The following ZNF320 variants were observed in gnomAD, a reference collection of about 807,000 sequenced individuals.
ZNF320 encodes the protein zinc finger protein 320.
In ZNF320, 2 loss-of-function variants were observed where a neutral mutation model predicts 6.8. The observed-to-expected ratio is 0.29, with a 90% CI of 0.12 to 0.93. The LOEUF (loss-of-function observed/expected upper bound fraction) is 0.93. ZNF320 is among the 40% of genes least tolerant of loss of function. The pLI is 0.55. For synonymous variants in ZNF320, 208 were observed against 203.2 expected, an observed-to-expected ratio of 1.02 and a Z score of -0.20; for missense variants, 472 against 611.0, an observed-to-expected ratio of 0.77 and a Z score of 2.40.
chr19:52,869,203 T>C (rs1665459740), intron 5 of ZNF320, among the ~76,000 whole-genome samples: 1 of 152,136 alleles, frequency 6.6e-6, no homozygotes, highest in Non-Finnish European at 1.5e-5. Flanking sequence ...CAAGGTTAAA[T>C]ATGCAAATTA....
At chr19:52,886,739 C>T (rs371949739) in intron 5 of ZNF320, among the ~76,000 whole-genome samples, 1 of 151,994 alleles carries the variant, frequency 6.6e-6, no homozygotes, top group African/African-American at 2.4e-5. Context: ...AGTTTGAGAC[C>T]AGCCTGAACA....
At chr19:52,868,504 CAA>C (rs879448381) in intron 5 of ZNF320, among the ~76,000 whole-genome samples, 20 of 127,588 alleles carry the variant, frequency 1.6e-4, no homozygotes, top group African/African-American at 2.3e-4. Flanking sequence ...GAAACTCTGT[CAA>C]AAAAAAAAAA....
chr19:52,887,645 G>T (rs374878613), intron 5 of ZNF320, among the ~76,000 whole-genome samples: 24 of 152,236 alleles, frequency 1.6e-4, no homozygotes, highest in African/African-American at 5.3e-4. Context: ...GGAGTGCAGC[G>T]GTGTGTTCTC....
At chr19:52,861,032 A>AAACAAACAAAC (rs1568689547) in exon 6 of ZNF320, among the ~76,000 whole-genome samples, 68 of 151,412 alleles carry the variant, frequency 4.5e-4, no homozygotes, top group African/African-American at 1.6e-3. Context: ...AACAAACAAA[A>AAACAAACAAAC]CAAAAACGAA....
rs1039680562 is a variant in ZNF320, at chr19:52,877,380, C to G, written c.*3216G>C. Reference sequence around the variant, plus strand: ...TTCTTTGAATCTTTGATCAGCCTTTCACTAAATACACAATTTATATGTGAG... The same window carrying G: ...TTCTTTGAATCTTTGATCAGCCTTTGACTAAATACACAATTTATATGTGAG... On this transcript the variant is annotated 3_prime_UTR_variant, in exon 6 of 6. Transcript: ENST00000682928. The G allele has an allele frequency of 2.6e-5, 4 of 152,312 alleles. No individual in the cohort carries two copies. The highest frequency in any genetic ancestry group is 9.6e-5 in the African/African-American group (4 of 41,570). 9.4% of individuals were successfully genotyped at this position (152,312 alleles called of 1,614,324 possible).
downstream of ZNF320, among the ~76,000 whole-genome samples, chr19:52,860,001 C>T (rs2063477658): frequency 6.6e-6 from 1 of 151,574 alleles, no homozygotes; most frequent in African/African-American, 2.4e-5. Context: ...CAAGCTCCGC[C>T]TCCCGGGTTC....
downstream of ZNF320, among the ~76,000 whole-genome samples, chr19:52,872,967 C>T (rs2063706478): frequency 6.6e-6 from 1 of 152,112 alleles, no homozygotes; most frequent in African/African-American, 2.4e-5. Context: ...GCATGTAGGC[C>T]AGGTTTATGT....
intron 3 of ZNF320, among the ~76,000 whole-genome samples, chr19:52,890,761 T>G (rs987862261): frequency 6.6e-6 from 1 of 152,084 alleles, no homozygotes; most frequent in African/African-American, 2.4e-5. Flanking sequence ...GTGTCTGTGG[T>G]CCCAGCTACT....
exon 6 of ZNF320, chr19:52,862,183 T>C: frequency 2.2e-6 from 1 of 448,164 alleles, no homozygotes; most frequent in Non-Finnish European, 4.5e-6. Context: ...ATTAGTAAAC[T>C]TTCCCTACAC....
chr19:52,887,358 G>C (rs890068690), intron 5 of ZNF320, among the ~76,000 whole-genome samples: 1 of 152,222 alleles, frequency 6.6e-6, no homozygotes, highest in Non-Finnish European at 1.5e-5. Flanking sequence ...GGACCATGAT[G>C]TGCTGGAGCT....
At chr19:52,891,378 C>A (rs2064285123) in intron 2 of ZNF320, 32 bp from the exon 3 acceptor site, 1 of 151,000 alleles carries the variant, frequency 6.6e-6, no homozygotes, top group Non-Finnish European at 1.5e-5. Flanking sequence ...AAAAGCGTTT[C>A]TGATGTGATA....
At position 52,880,414 on chromosome 19, in the gene ZNF320, T is replaced by A. The variant is rs897004706; in HGVS notation, c.*182A>T. 2 of 532,080 alleles carry A rather than the reference T, an allele frequency of 3.8e-6. No individual in the cohort carries two copies. The highest frequency in any genetic ancestry group is 3.9e-5 in the African/African-American group (2 of 51,510). 33.0% of individuals were successfully genotyped at this position (532,080 alleles called of 1,614,324 possible). A position where few individuals can be genotyped will look rare whatever the true frequency, so the allele number is the denominator to read the frequency against. On this transcript the variant is annotated 3_prime_UTR_variant, in exon 6 of 6. Transcript: ENST00000682928. ...AGTGGCTCCCGTCTGTTGGCCAGGC[T>A]GGTCTCAAATTCATGACCTCAAGTG... is the stretch of plus-strand genomic sequence containing the variant.
intron 1 of ZNF320, among the ~76,000 whole-genome samples, chr19:52,896,260 T>A (rs891876157): frequency 6.6e-6 from 1 of 152,054 alleles, no homozygotes; most frequent in Admixed American, 6.6e-5. Flanking sequence ...CCTGGCTAAT[T>A]TCTGTATTTT....
downstream of ZNF320, among the ~76,000 whole-genome samples, chr19:52,860,822 C>T (rs913667597): frequency 6.6e-6 from 1 of 152,062 alleles, no homozygotes; most frequent in Non-Finnish European, 1.5e-5. Flanking sequence ...GTAAGGACTA[C>T]GTCTTGCTAG....
chr19:52,896,954 C>T (rs1225774381), intron 1 of ZNF320, among the ~76,000 whole-genome samples: 1 of 152,230 alleles, frequency 6.6e-6, no homozygotes, highest in Non-Finnish European at 1.5e-5. Flanking sequence ...CATAGGGCAC[C>T]CATCTGCTCC....
chr19:52,900,708 AT>A (rs113798357), upstream of ZNF320, among the ~76,000 whole-genome samples: 28,277 of 147,776 alleles, frequency 0.19, 3,107 homozygotes, highest in Admixed American at 0.36. Flanking sequence ...CTTAATTTAC[AT>A]TTTTTTTTTA....
rs2063916637 is a variant in ZNF320, at chr19:52,881,449, A to G, written c.677T>C (p.Phe226Ser). 6.2e-7 allele frequency: 1 copy of G among 1,613,960 alleles called. No homozygotes were observed. The highest frequency in any genetic ancestry group is 8.5e-7 in the Non-Finnish European group (1 of 1,180,018). The change falls in exon 6 of 6, where the codon TTT becomes TCT. Residue 226 changes from phenylalanine (F) to serine (S), a missense_variant. This residue lies in a region of ZNF320 where 462 missense variants were observed against 559.7 expected (regional missense o/e 0.83). Coordinates refer to ENST00000682928, the MANE Select transcript of ZNF320 (RefSeq NM_001351774.2). ...ACATGCAAGGGTTGCTTTTTGATCAAAAACCTTGCCACATTCATTACATGT... is the reference window on the plus strand; with the variant it reads ...ACATGCAAGGGTTGCTTTTTGATCAGAAACCTTGCCACATTCATTACATGT... Reference protein sequence around the residue: ...HYTCNECGKVFDQKATLACHH... With the variant: ...HYTCNECGKVSDQKATLACHH...
chr19:52,869,099 TG>T (rs1435798222), intron 5 of ZNF320, among the ~76,000 whole-genome samples: 1 of 152,048 alleles, frequency 6.6e-6, no homozygotes. Context: ...ACTTTGTGCA[TG>T]CACCTCTGTG....
At chr19:52,867,292 G>C (rs959282630) in intron 5 of ZNF320, among the ~76,000 whole-genome samples, 5 of 152,016 alleles carry the variant, frequency 3.3e-5, no homozygotes, top group Non-Finnish European at 7.4e-5. Context: ...CTGCCTCCTG[G>C]GTTCAAGTGA....
Sources: allele counts gnomAD v4.1 joint callset (sites outside exome capture counted in the v4.1 genomes callset), GRCh38; gene constraint gnomAD v4.1.1; regional missense constraint gnomAD v4.1.1; transcripts MANE v1.5; gene names NCBI Gene and HGNC (gene_info 2026-07-23, HGNC 2026-07-21).